TLN2: variants seen among roughly 807,000 people sequenced by gnomAD.
The protein encoded by TLN2 is talin 2.
Under a neutral mutation model 294.7 loss-of-function variants are expected in TLN2, and 118 were observed. The ratio of observed to expected loss-of-function variants is 0.40; its 90% confidence interval spans 0.34 to 0.47. TLN2 has a LOEUF of 0.47. Among genes scored for constraint, TLN2 ranks in the 20% least tolerant of loss-of-function variants. The pLI, the probability that TLN2 is intolerant of heterozygous loss-of-function variation, is 0.84. For missense variants in TLN2, 3,083 were observed against 3,282.2 expected (o/e 0.94, Z 1.48); for synonymous variants, 1,431 against 1,304.5 (o/e 1.10, Z -2.09).
At chr15:62,722,821 G>C (rs949696646) in intron 26 of TLN2, among the ~76,000 whole-genome samples, 2 of 152,168 alleles carry the variant, frequency 1.3e-5, no homozygotes, top group African/African-American at 4.8e-5. Flanking sequence ...GTGTCTCAGT[G>C]CCAGCTAAAT....
At chr15:62,727,981 GTATAATA>G (rs2060527593) in intron 28 of TLN2, among the ~76,000 whole-genome samples, 1 of 152,112 alleles carries the variant, frequency 6.6e-6, no homozygotes, top group Admixed American at 6.5e-5. Context: ...TATTATCAAA[GTATAATA>G]TATGCACAGA....
chr15:62,791,268 T>C (rs2065058772), intron 45 of TLN2, among the ~76,000 whole-genome samples: 1 of 151,814 alleles, frequency 6.6e-6, no homozygotes, highest in Non-Finnish European at 1.5e-5. Context: ...GGCAGGAGAA[T>C]GCTTGGACCT....
intron 4 of TLN2, among the ~76,000 whole-genome samples, chr15:62,649,089 C>T (rs1308595542): frequency 2.0e-5 from 3 of 152,158 alleles, no homozygotes; most frequent in Non-Finnish European, 4.4e-5. Context: ...CCCAACTGAT[C>T]CACCCACCTC....
At chr15:62,598,484 G>A (rs2046728997) in intron 2 of TLN2, among the ~76,000 whole-genome samples, 1 of 152,060 alleles carries the variant, frequency 6.6e-6, no homozygotes, top group Non-Finnish European at 1.5e-5. Context: ...GCGTGGACAG[G>A]GGAACATCCT....
intron 1 of TLN2, among the ~76,000 whole-genome samples, chr15:62,429,103 C>T (rs558645356): frequency 3.3e-4 from 33 of 99,030 alleles, no homozygotes; most frequent in Middle Eastern, 7.2e-3. Context: ...GCTTGTGGCT[C>T]TGGGTGGGAA....
intron 1 of TLN2, among the ~76,000 whole-genome samples, chr15:62,451,648 T>G (rs2036159625): frequency 6.6e-6 from 1 of 152,060 alleles, no homozygotes; most frequent in Non-Finnish European, 1.5e-5. Flanking sequence ...AGAGTGAGAC[T>G]CCGTCTCAAA....
chr15:62,728,788 C>T (rs1167527042), intron 28 of TLN2, among the ~76,000 whole-genome samples: 1 of 151,996 alleles, frequency 6.6e-6, no homozygotes, highest in Non-Finnish European at 1.5e-5. Context: ...ACATGTATTT[C>T]TTGTATATTG....
chr15:62,823,937 T>C, intron 54 of TLN2: 1 of 527,122 alleles, frequency 1.9e-6, no homozygotes. Flanking sequence ...TCGAGCTCAG[T>C]CAAACCTGGA....
intron 1 of TLN2, among the ~76,000 whole-genome samples, chr15:62,514,842 T>C (rs117450330): frequency 0.01 from 1,595 of 152,272 alleles, 7 homozygotes; most frequent in Non-Finnish European, 0.017. Flanking sequence ...AGTGTGGAAT[T>C]AACAAACTGG....
At position 62,809,657 on chromosome 15, in the gene TLN2, G is replaced by C. The variant is rs113370231; in HGVS notation, c.6664-268G>C. 1.8e-3 allele frequency among the ~76,000 whole-genome samples: 272 copies of C among 152,316 alleles called. 4 individuals are homozygous for C. Among genetic ancestry groups the C allele is most frequent in the African/African-American group, 6.4e-3 (265 of 41,574 alleles). On this transcript the variant is annotated intron_variant, in intron 51 of 58. Coordinates refer to ENST00000636159, the MANE Select transcript of TLN2 (RefSeq NM_015059.3). ...TGCATTTCAAAAAAATGTGGGGTGG[G>C]AAAAGGAGGAACAAAGGTCCAGATT...
intron 7 of TLN2, 120 bp downstream of exon 7, chr15:62,653,434 T>C (rs2052828872): frequency 3.2e-6 from 4 of 1,260,412 alleles, no homozygotes; most frequent in Admixed American, 3.3e-5. Flanking sequence ...AACTCTATTT[T>C]AAAAAAGTAG....
intron 1 of TLN2, among the ~76,000 whole-genome samples, chr15:62,498,153 C>CAAAAAA (rs538951284): frequency 3.2e-5 from 3 of 93,380 alleles, no homozygotes; most frequent in Non-Finnish European, 6.6e-5. Flanking sequence ...GACCCTGCCT[C>CAAAAAA]AAAAAAAAAA....
chr15:62,628,791 T>C (rs2049515344), intron 3 of TLN2, among the ~76,000 whole-genome samples: 1 of 152,254 alleles, frequency 6.6e-6, no homozygotes. Flanking sequence ...ACTCTAGGAA[T>C]TCCCTGTCCT....
chr15:62,675,344 A>G (rs367894443), intron 11 of TLN2, 23 bp downstream of exon 11: 49 of 1,609,956 alleles, frequency 3.0e-5, no homozygotes, highest in South Asian at 2.2e-5. Context: ...GAATGGGGAG[A>G]GTGTTCACCT....
intron 57 of TLN2, 103 bp downstream of exon 57, chr15:62,836,176 C>T: frequency 6.8e-7 from 1 of 1,476,600 alleles, no homozygotes; most frequent in Non-Finnish European, 9.1e-7. Context: ...CCAGGCCTTC[C>T]ATCAGCCAGC....
At chr15:62,470,374 G>T (rs1427267764) in intron 1 of TLN2, among the ~76,000 whole-genome samples, 3 of 152,344 alleles carry the variant, frequency 2.0e-5, no homozygotes, top group African/African-American at 4.8e-5. Context: ...TTATGCTCAG[G>T]CATTAGTCAC....
intron 1 of TLN2, among the ~76,000 whole-genome samples, chr15:62,499,027 G>A (rs1341333972): frequency 6.6e-6 from 1 of 152,162 alleles, no homozygotes; most frequent in East Asian, 1.9e-4. Context: ...CTTAATGACA[G>A]AATCAAAGAC....
intron 1 of TLN2, among the ~76,000 whole-genome samples, chr15:62,509,216 G>C (rs1018481166): frequency 6.6e-6 from 1 of 152,178 alleles, no homozygotes; most frequent in Non-Finnish European, 1.5e-5. Flanking sequence ...AGTGGTTCAG[G>C]ATCTTGGACT....
At chr15:62,516,580 A>G (rs1482260736) in intron 1 of TLN2, among the ~76,000 whole-genome samples, 1 of 152,206 alleles carries the variant, frequency 6.6e-6, no homozygotes, top group Non-Finnish European at 1.5e-5. Context: ...CTTTGGGTGC[A>G]TGCTTGCTTC....
Sources: gnomAD v4.1 joint callset for allele counts (sites outside exome capture counted in the v4.1 genomes callset) on GRCh38, gnomAD v4.1.1 for gene constraint, MANE v1.5 for transcripts, NCBI Gene and HGNC (gene_info 2026-07-23, HGNC 2026-07-21) for gene names.